Variants in HUWE1 observed in about 807,000 individuals in gnomAD.
The protein encoded by HUWE1 is HECT, UBA and WWE domain containing E3 ubiquitin protein ligase 1.
In HUWE1, 18 loss-of-function variants were observed where a neutral mutation model predicts 299.4. The observed-to-expected ratio is 0.06, with a 90% CI of 0.04 to 0.09. The LOEUF is 0.09. Ranked by LOEUF, HUWE1 falls within the 10% of genes least tolerant of loss-of-function variation. The probability of loss-of-function intolerance (pLI) is 1.00; values close to 1 mark genes in which losing one functional copy is unlikely to be tolerated. For synonymous variants in HUWE1, 1,317 were observed against 1,286.1 expected (o/e 1.02, Z -0.51); for missense variants, 1,832 against 3,462.3 (o/e 0.53, Z 11.82).
chrX:53,671,354 C>T (rs1319720919), intron 3 of HUWE1, among the ~76,000 whole-genome samples: 7 of 111,758 alleles, frequency 6.3e-5, no homozygotes, highest in African/African-American at 2.0e-4. Context: ...TTCTTTCATT[C>T]GACACTTATT....
intron 17 of HUWE1, chrX:53,625,587 C>A: frequency 4.9e-6 from 1 of 204,163 alleles, no homozygotes; most frequent in Non-Finnish European, 8.9e-6. Flanking sequence ...AATCAATGTG[C>A]AAATTGTTGG....
At chrX:53,628,134 G>A (rs1557019537) in intron 15 of HUWE1, among the ~76,000 whole-genome samples, 1 of 111,135 alleles carries the variant, frequency 9.0e-6, no homozygotes, top group African/African-American at 3.3e-5. Context: ...GGTGCTCATT[G>A]CCCTGCACAT....
At chrX:53,555,787 G>A (rs782742076) in intron 60 of HUWE1, among the ~76,000 whole-genome samples, 13 of 109,011 alleles carry the variant, frequency 1.2e-4, no homozygotes, top group Admixed American at 2.0e-4. Context: ...GACCACAGGC[G>A]AGTGTCACCA....
Position 53,572,557 on chromosome X carries a change from A to G in HUWE1, c.6312+1193T>C, listed in dbSNP as rs371210465. Among the ~76,000 whole-genome samples, 78 of 111,555 alleles carry G rather than the reference A, an allele frequency of 7.0e-4. No individual in the cohort carries two copies. The East Asian group carries it at 0.014, about 20-fold the overall frequency. On this transcript the variant is annotated intron_variant, in intron 47 of 83. Transcript: ENST00000262854. ...TACAATGTGATCCACAAAACAAGGC[A>G]CCCTTACGGGAAAAAATATTTGGGC...
At chrX:53,654,832 G>C (rs1168951662) in intron 3 of HUWE1, among the ~76,000 whole-genome samples, 1 of 112,071 alleles carries the variant, frequency 8.9e-6, no homozygotes, top group Non-Finnish European at 1.9e-5. Flanking sequence ...TTAACCAAAA[G>C]GATTAAGTAT....
intron 23 of HUWE1, among the ~76,000 whole-genome samples, chrX:53,613,541 A>G (rs781932170): frequency 6.3e-5 from 7 of 111,621 alleles, no homozygotes; most frequent in Non-Finnish European, 1.1e-4. Flanking sequence ...CAGGTGACTA[A>G]AAGTTACAGG....
At chrX:53,615,691 C>T (rs945293231) in intron 22 of HUWE1, 53 bp downstream of exon 22, 22 of 996,185 alleles carry the variant, frequency 2.2e-5, no homozygotes, top group Middle Eastern at 2.5e-4. Flanking sequence ...CTTCTAAAAC[C>T]TTCCCCTTCT....
Position 53,547,995 on chromosome X carries a change from C to T in HUWE1, c.10314G>A (p.Leu3438=). 1 of 1,211,592 alleles carries T rather than the reference C, an allele frequency of 8.3e-7. No individual in the cohort carries two copies. Among genetic ancestry groups the T allele is most frequent in the Non-Finnish European group, 1.1e-6 (1 of 895,385 alleles). ...ASPLGQLMNM[L]SHPVIRRSSL... The stretch of plus-strand genomic sequence containing the variant: ...AGCTCCGGCGGATGACTGGGTGTGA[C>T]AACATGTTCATGAGCTGCCCCAGTG... Residue 3438 remains leucine (L), a synonymous_variant, in exon 68 of 84, where the codon TTG becomes TTA. Coordinates refer to ENST00000262854, the MANE Select transcript of HUWE1 (RefSeq NM_031407.7).
In HUWE1 at chrX:53,647,492, G is replaced by A. The variant is rs782611271; in HGVS notation, c.227C>T (p.Ser76Leu). Residue 76 changes from serine (S) to leucine (L), a missense_variant, in exon 6 of 84, where the codon TCA becomes TTA. This residue lies in a region of HUWE1 where 658 missense variants were observed against 1,282.6 expected (regional missense o/e 0.51). Coordinates refer to ENST00000262854, the MANE Select transcript of HUWE1 (RefSeq NM_031407.7). ...TGGCCTATCACATACGAGCATCCAT[G>A]ACATATTCTCCACTGTCTGTCCAGC... ...ADAGQTVENM[S>L]WMLVCDRPER... is the part of the protein sequence containing the mutation. The A allele has an allele frequency of 3.7e-5, 44 of 1,204,854 alleles. No homozygotes were observed. Among genetic ancestry groups the A allele is most frequent in the Middle Eastern group, 2.3e-4 (1 of 4,362 alleles).
At chrX:53,610,876 C>T (rs1557001525) in intron 23 of HUWE1, among the ~76,000 whole-genome samples, 1 of 111,582 alleles carries the variant, frequency 9.0e-6, no homozygotes, top group Non-Finnish European at 1.9e-5. Context: ...AAGCTAGGCA[C>T]ACTAATGCAA....
intron 4 of HUWE1, 114 bp from the exon 5 acceptor site, chrX:53,648,424 T>C (rs367817472): frequency 1.0e-5 from 5 of 493,321 alleles, no homozygotes; most frequent in East Asian, 3.7e-5. Context: ...TGCTAGGATT[T>C]ACTACTTAAG....
In HUWE1 at chrX:53,589,858, TGAAGGAGGAAAGATAAGAGAGACTCTGA is replaced by T. The variant is rs782719011; in HGVS notation, c.4192-70_4192-43del. On this transcript the variant is annotated intron_variant, in intron 35 of 83. Transcript: ENST00000262854. Reference sequence around the variant, plus strand: ...AAGTGTGAATAATACACAGGAGAGGTGAAGGAGGAAAGATAAGAGAGACTCTGAGAATGTTTTTGCTCTACCATATGAT... The same window carrying T: ...AAGTGTGAATAATACACAGGAGAGGTGAATGTTTTTGCTCTACCATATGAT... 4.3e-6 allele frequency: 5 copies of T among 1,158,302 alleles called. No homozygotes were observed. In the South Asian group the frequency reaches 7.5e-5, roughly 17 times the overall value.
At chrX:53,611,549 T>C (rs1328268853) in intron 23 of HUWE1, among the ~76,000 whole-genome samples, 1 of 111,926 alleles carries the variant, frequency 8.9e-6, no homozygotes, top group African/African-American at 3.2e-5. Flanking sequence ...AAAATCTGTA[T>C]GGAAATCATA....
chrX:53,677,686 GTACCCAAAGTAATCTTCCAAA>G (rs1407637716), intron 3 of HUWE1, among the ~76,000 whole-genome samples: 19 of 107,781 alleles, frequency 1.8e-4, no homozygotes, highest in African/African-American at 6.4e-4. Flanking sequence ...AGCAAATAAT[GTACCCAAAGTAATCTTCCAAA>G]ATCATTCCAA....
chrX:53,631,047 A>G lies in HUWE1; in HGVS notation c.763-13T>C. The G allele has an allele frequency of 1.2e-5, 12 of 999,237 alleles. No individual in the cohort carries two copies. Among genetic ancestry groups the G allele is most frequent in the Non-Finnish European group, 1.7e-5 (12 of 701,518 alleles). 82.3% of individuals were successfully genotyped at this position (999,237 alleles called of 1,213,427 possible). A position where few individuals can be genotyped will look rare whatever the true frequency, so the allele number is the denominator to read the frequency against. On this transcript the variant is annotated splice_polypyrimidine_tract_variant and intron_variant, in intron 11 of 83. Coordinates refer to ENST00000262854, the MANE Select transcript of HUWE1 (RefSeq NM_031407.7). ...TAAATAACAGCATCTGTAGAGAGAT[A>G]AGACATACATTTTAAAAACATCAAT...
chrX:53,601,099 T>G (rs1326440724), intron 28 of HUWE1, among the ~76,000 whole-genome samples: 1 of 111,902 alleles, frequency 8.9e-6, no homozygotes, highest in African/African-American at 3.2e-5. Context: ...AGTCCTTGTT[T>G]GTTGGTTCTA....
intron 3 of HUWE1, among the ~76,000 whole-genome samples, chrX:53,659,397 TG>T (rs1475236924): frequency 1.8e-5 from 2 of 111,593 alleles, no homozygotes; most frequent in African/African-American, 6.6e-5. Context: ...TGAACAAACA[TG>T]GAGGAAACCT....
At chrX:53,602,534 A>G in intron 28 of HUWE1, 30 bp downstream of exon 28, 1 of 858,816 alleles carries the variant, frequency 1.2e-6, no homozygotes, top group South Asian at 2.1e-5. Flanking sequence ...CTTAGAAGTA[A>G]TGACTAACAT....
Position 53,554,862 on chromosome X carries a change from T to C in HUWE1, c.8265A>G (p.Thr2755=). The C allele has an allele frequency of 8.3e-7, 1 of 1,202,018 alleles. No homozygotes were observed. The highest frequency in any genetic ancestry group is 1.8e-5 in the South Asian group (1 of 55,431). ...PTTPSSTDAA[T]SESKETLGTL... ...TGCCAAGGGTCTCCTTGGACTCAGA[T>C]GTAGCTGCATCAGTTGAAGATGGGG... Residue 2755 remains threonine (T), a synonymous_variant, in exon 61 of 84, where the codon ACA becomes ACG. Transcript: ENST00000262854.
Sources: allele counts gnomAD v4.1 joint callset (sites outside exome capture counted in the v4.1 genomes callset), GRCh38; gene constraint gnomAD v4.1.1; regional missense constraint gnomAD v4.1.1; transcripts MANE v1.5; gene names NCBI Gene and HGNC (gene_info 2026-07-23, HGNC 2026-07-21).